Variants in CSK observed in about 807,000 individuals in gnomAD.
CSK encodes C-terminal Src kinase.
A neutral mutation model predicts 62.3 loss-of-function variants in CSK; 7 were observed. The ratio of observed to expected loss-of-function variants is 0.11; its 90% CI spans 0.06 to 0.21. CSK has a LOEUF of 0.21. CSK is among the 10% of genes least tolerant of loss of function. The pLI is 1.00. For synonymous variants in CSK, 237 were observed against 246.0 expected, an observed-to-expected ratio of 0.96 and a Z score of 0.34; for missense variants, 294 against 613.5, an observed-to-expected ratio of 0.48 and a Z score of 5.50.
chr15:74,801,542 G>T lies in CSK; in HGVS notation c.834G>T (p.Leu278=), dbSNP rs376610966. The T allele has an allele frequency of 5.2e-5, 84 of 1,613,558 alleles. No homozygotes were observed. The highest frequency in any genetic ancestry group is 7.1e-5 in the Non-Finnish European group (84 of 1,179,742). ...CCCAGGGGAGCCTTGTGGACTACCT[G>T]CGGTCTAGGGGTCGGTCAGTGCTGG... The part of the protein sequence containing the change: ...YMAKGSLVDY[L]RSRGRSVLGG... The change falls in exon 10 of 13, where the codon CTG becomes CTT. Residue 278 remains leucine, a synonymous_variant. Coordinates refer to ENST00000220003, the MANE Select transcript of CSK (RefSeq NM_004383.3).
chr15:74,798,411 C>A lies in CSK; in HGVS notation c.15+99C>A. 6.8e-7 allele frequency: 1 copy of A among 1,468,698 alleles called. No homozygotes were observed. Among genetic ancestry groups the A allele is most frequent in the South Asian group, 1.2e-5 (1 of 83,210 alleles). The allele number at this position is 1,468,698 out of a possible 1,614,324, so 91.0% of individuals were successfully genotyped here. ...AGGATGCAGCTTAGATCAACCCACT[C>A]CCCTTTTTCCCAGCACTCAGTCAGG... On this transcript the variant is annotated intron_variant, in intron 2 of 12. Coordinates refer to ENST00000220003, the MANE Select transcript of CSK (RefSeq NM_004383.3). This position sits in a 1 kb window ranked among gnomAD's most constrained non-coding sequence, Gnocchi z 6.6.
rs754259592 is a variant in CSK, at chr15:74,798,527, A to G, written c.16-88A>G. On this transcript the variant is annotated intron_variant, in intron 2 of 12. Coordinates refer to ENST00000220003, the MANE Select transcript of CSK (RefSeq NM_004383.3). This position sits in a 1 kb window ranked among gnomAD's most constrained non-coding sequence, Gnocchi z 6.6. ...CACCTCACCCAGGCTCACAGAGGCC[A>G]GCTCAGAGGCTGTGACCACGAGGGT... 9 of 1,345,436 alleles carry G rather than the reference A, an allele frequency of 6.7e-6. No homozygotes were observed. In the East Asian group the frequency reaches 1.9e-4, roughly 29 times the overall value. The allele number at this position is 1,345,436 out of a possible 1,614,324, so 83.3% of individuals were successfully genotyped here. A position where few individuals can be genotyped will look rare whatever the true frequency, so the allele number is the denominator to read the frequency against.
chr15:74,796,204 G>A (rs929892573), intron 1 of CSK, among the ~76,000 whole-genome samples: 1 of 151,642 alleles, frequency 6.6e-6, no homozygotes, highest in African/African-American at 2.4e-5. Flanking sequence ...CAGCCTGGGC[G>A]ACAGAGTCTT....
At chr15:74,789,751 CT>C (rs2063588409) in intron 1 of CSK, among the ~76,000 whole-genome samples, 2 of 152,190 alleles carry the variant, frequency 1.3e-5, no homozygotes, top group Non-Finnish European at 2.9e-5. Flanking sequence ...CCCTAAAATC[CT>C]TCTAGCTCCT....
In CSK at chr15:74,800,499, T is replaced by C. The variant is rs2063773220; in HGVS notation, c.550T>C (p.Tyr184His). The change falls in exon 6 of 13, where the codon TAC becomes CAC. Residue 184 changes from tyrosine (Y) to histidine (H), a missense_variant. Tyr to His is a moderately conservative substitution (Grantham distance 83). Coordinates refer to ENST00000220003, the MANE Select transcript of CSK (RefSeq NM_004383.3). ...CACAGTGGCGGCCCAGGATGAGTTC[T>C]ACCGCAGTGAGTGCACCCCACCCCA... The part of the protein sequence containing the change: ...EGTVAAQDEF[Y>H]RSGWALNMKE... The C allele has an allele frequency of 1.2e-6, 2 of 1,613,576 alleles. No homozygotes were observed. The highest frequency in any genetic ancestry group is 3.3e-5 in the Admixed American group (2 of 59,950).
intron 1 of CSK, among the ~76,000 whole-genome samples, chr15:74,796,970 T>C (rs1324978910): frequency 2.0e-5 from 3 of 152,158 alleles, no homozygotes; most frequent in Non-Finnish European, 4.4e-5. Flanking sequence ...AGGCAGGGTC[T>C]CACTCTGTCG....
chr15:74,799,526 T>A, intron 5 of CSK, 35 bp downstream of exon 5: 1 of 1,591,192 alleles, frequency 6.3e-7, no homozygotes, highest in Non-Finnish European at 8.6e-7. Flanking sequence ...GCTCCCACCC[T>A]CACACACCCT....
chr15:74,791,619 A>T (rs2063621479), intron 1 of CSK, among the ~76,000 whole-genome samples: 1 of 152,214 alleles, frequency 6.6e-6, no homozygotes, highest in South Asian at 2.1e-4. Context: ...TATAGAATTC[A>T]ATTCAAGATC....
rs1026779205 is a variant in CSK at position 74,782,979 on chromosome 15, C to G, written c.-66+259C>G. ...TTCTCGGGTCATCCCGAGTCCCCCC[C>G]TCTGTGGAGCTCAGAGTAGGAGGTG... is the stretch of plus-strand genomic sequence containing the variant. On this transcript the variant is annotated intron_variant, in intron 1 of 12. Transcript: ENST00000220003. This position sits in a 1 kb window ranked among gnomAD's most constrained non-coding sequence, Gnocchi z 5.7. Among the ~76,000 whole-genome samples, 2 of 152,254 alleles carry G rather than the reference C, an allele frequency of 1.3e-5. No individual in the cohort carries two copies. The highest frequency in any genetic ancestry group is 2.4e-5 in the African/African-American group (1 of 41,466).
chr15:74,798,515 C>T lies in CSK; in HGVS notation c.16-100C>T. The T allele has an allele frequency of 7.7e-7, 1 of 1,291,576 alleles. No homozygotes were observed. Among genetic ancestry groups the T allele is most frequent in the African/African-American group, 1.5e-5 (1 of 68,178 alleles). The allele number at this position is 1,291,576 out of a possible 1,614,324, so 80.0% of individuals were successfully genotyped here. A position where few individuals can be genotyped will look rare whatever the true frequency, so the allele number is the denominator to read the frequency against. On this transcript the variant is annotated intron_variant, in intron 2 of 12. Transcript: ENST00000220003. The surrounding 1 kb of genome is among the most constrained non-coding windows in gnomAD (Gnocchi z 6.6). ...CTCCGGGCAGAGCACCTCACCCAGG[C>T]TCACAGAGGCCAGCTCAGAGGCTGT...
chr15:74,799,096 TG>T (rs937878837), intron 4 of CSK, 158 bp downstream of exon 4: 1 of 952,906 alleles, frequency 1.0e-6, no homozygotes, highest in East Asian at 2.6e-5. Context: ...AGAGCAGGGC[TG>T]GGGGCAGAGG....
At chr15:74,800,631 C>T in intron 6 of CSK, 50 bp from the exon 7 acceptor site, 8 of 1,536,332 alleles carry the variant, frequency 5.2e-6, no homozygotes, top group Non-Finnish European at 6.2e-6. Flanking sequence ...CTCTGTCATC[C>T]CAGCCATGTC....
Position 74,799,461 on chromosome 15 carries a change from G to A in CSK, c.432G>A (p.Val144=), listed in dbSNP as rs2063755656. 3 of 1,613,208 alleles carry A rather than the reference G, an allele frequency of 1.9e-6. No individual in the cohort carries two copies. The highest frequency in any genetic ancestry group is 1.3e-5 in the African/African-American group (1 of 74,940). Residue 144 remains valine (V), a synonymous_variant, in exon 5 of 13, where the codon GTG becomes GTA. Coordinates refer to ENST00000220003, the MANE Select transcript of CSK (RefSeq NM_004383.3). The part of the protein sequence containing the change: ...HASKLSIDEE[V]YFENLMQLVE... ...GCAAGCTCAGCATCGACGAGGAGGT[G>A]TACTTTGAGAACCTCATGCAGCTGG...
intron 1 of CSK, among the ~76,000 whole-genome samples, chr15:74,792,529 T>G (rs2063638214): frequency 6.6e-6 from 1 of 152,168 alleles, no homozygotes; most frequent in Non-Finnish European, 1.5e-5. Context: ...TCCTGCACTG[T>G]TCCATAGAGT....
Position 74,802,378 on chromosome 15 carries a change from T to G in CSK, c.1218T>G (p.Asp406Glu). 1 of 1,610,150 alleles carries G rather than the reference T, an allele frequency of 6.2e-7. No individual in the cohort carries two copies. The highest frequency in any genetic ancestry group is 8.5e-7 in the Non-Finnish European group (1 of 1,179,108). The change falls in exon 13 of 13, where the codon GAT becomes GAG. Residue 406 changes from aspartate to glutamate, a missense_variant. Around this residue, in one of 3 missense-constraint regions of CSK, gnomAD observed 66 missense variants for 99.3 expected, o/e 0.66. Coordinates refer to ENST00000220003, the MANE Select transcript of CSK (RefSeq NM_004383.3). ...GGGTGGAGAAGGGCTACAAGATGGA[T>G]GCCCCCGACGGCTGCCCGCCCGCAG... ...VPRVEKGYKM[D>E]APDGCPPAVY...
chr15:74,800,552 C>A, intron 6 of CSK, 47 bp downstream of exon 6: 2 of 1,583,404 alleles, frequency 1.3e-6, no homozygotes, highest in Non-Finnish European at 1.7e-6. Context: ...CCTCCTCCCA[C>A]GCAGGCTTCC....
intron 1 of CSK, among the ~76,000 whole-genome samples, chr15:74,796,034 A>G (rs2063700025): frequency 6.6e-6 from 1 of 152,160 alleles, no homozygotes; most frequent in Admixed American, 6.5e-5. Flanking sequence ...CATGGCCAAT[A>G]TGGTGAAACC....
In CSK at chr15:74,800,730, G is replaced by T; in HGVS notation, c.606G>T (p.Gly202=). ...MKELKLLQTI[G]KGEFGDVMLG... is the part of the protein sequence containing the mutation. ...AGCTGAAGCTGCTGCAGACCATCGG[G>T]AAGGGGGAGTTCGGAGGTGAGCTGG... Residue 202 remains glycine, a synonymous_variant, in exon 7 of 13, where the codon GGG becomes GGT. Transcript: ENST00000220003. The T allele has an allele frequency of 6.4e-7, 1 of 1,572,462 alleles. No individual in the cohort carries two copies. The highest frequency in any genetic ancestry group is 8.6e-7 in the Non-Finnish European group (1 of 1,158,556).
At chr15:74,790,308 A>AG (rs1444401242) in intron 1 of CSK, among the ~76,000 whole-genome samples, 2 of 152,176 alleles carry the variant, frequency 1.3e-5, no homozygotes, top group Non-Finnish European at 2.9e-5. Flanking sequence ...GGGAAGGGCA[A>AG]GGGAGCCCCT....
Sources: gnomAD v4.1 joint callset for allele counts (sites outside exome capture counted in the v4.1 genomes callset) on GRCh38, gnomAD v4.1.1 for gene constraint, gnomAD v4.1.1 regional missense constraint, Gnocchi (gnomAD v3.1) non-coding constraint, MANE v1.5 for transcripts, NCBI Gene and HGNC (gene_info 2026-07-23, HGNC 2026-07-21) for gene names.